GAS7: variants seen among roughly 807,000 people sequenced by gnomAD.
The protein encoded by GAS7 is growth arrest specific 7, also known as growth arrest-specific protein 7.
A neutral mutation model predicts 71.1 loss-of-function variants in GAS7; 28 were observed. The observed-to-expected ratio is 0.39, with a 90% CI of 0.29 to 0.54. The LOEUF (loss-of-function observed/expected upper bound fraction) is 0.54, where lower values mean the gene tolerates loss of function less well. Among genes scored for constraint, GAS7 ranks in the 20% least tolerant of loss-of-function variants. The pLI is 0.62. For synonymous variants in GAS7, 258 were observed against 245.8 expected (o/e 1.05, Z -0.46); for missense variants, 436 against 627.8 (o/e 0.69, Z 3.27).
chr17:10,180,157 G>A (rs1466175490), intron 1 of GAS7, among the ~76,000 whole-genome samples: 1 of 151,920 alleles, frequency 6.6e-6, no homozygotes, highest in Non-Finnish European at 1.5e-5. Context: ...ACTGGCCAAC[G>A]TGAGGAAACC....
At chr17:10,068,690 GGAGTTT>G (rs1411869328) in intron 1 of GAS7, among the ~76,000 whole-genome samples, 2 of 152,110 alleles carry the variant, frequency 1.3e-5, no homozygotes, top group African/African-American at 2.4e-5. Flanking sequence ...CTTGAGCCCA[GGAGTTT>G]GAGGCTGCAG....
At position 10,193,925 on chromosome 17, in the gene GAS7, C is replaced by T. The variant is rs143672381; in HGVS notation, c.183+4283G>A. On this transcript the variant is annotated intron_variant, in intron 1 of 13. Transcript: ENST00000432992. ...TTTGAAACACTAAATCTTGGAGTGG[C>T]TTGTTACATGGCAATAGATAAAACA... Among the ~76,000 whole-genome samples the T allele has an allele frequency of 7.7e-3, 1,173 of 152,268 alleles. 18 individuals are homozygous for T. Among genetic ancestry groups the T allele is most frequent in the African/African-American group, 0.027 (1,121 of 41,566 alleles).
chr17:10,148,631 G>A (rs1435559902), intron 1 of GAS7, among the ~76,000 whole-genome samples: 2 of 146,052 alleles, frequency 1.4e-5, no homozygotes, highest in Non-Finnish European at 3.0e-5. Flanking sequence ...AAAAAAAAAG[G>A]CCAGGCGCGG....
intron 5 of GAS7, among the ~76,000 whole-genome samples, chr17:9,947,556 C>T (rs1406230698): frequency 6.6e-6 from 1 of 152,100 alleles, no homozygotes; most frequent in Non-Finnish European, 1.5e-5. Flanking sequence ...ACCAGCCTGA[C>T]CAACAGGGAG....
In GAS7 at chr17:9,957,705, A is replaced by G. The variant is rs984624141; in HGVS notation, c.525+1497T>C. Reference sequence around the variant, plus strand: ...GGGACTGTACCCTCTGGAACTCTGCACCTGAGCCTGCCCACACCCCCTACC... The same window carrying G: ...GGGACTGTACCCTCTGGAACTCTGCGCCTGAGCCTGCCCACACCCCCTACC... On this transcript the variant is annotated intron_variant, in intron 5 of 13. Coordinates refer to ENST00000432992, the MANE Select transcript of GAS7 (RefSeq NM_201433.2). Among the ~76,000 whole-genome samples, 4 of 151,228 alleles carry G rather than the reference A, an allele frequency of 2.6e-5. No individual in the cohort carries two copies. In the East Asian group the frequency reaches 7.8e-4, roughly 30 times the overall value.
intron 1 of GAS7, among the ~76,000 whole-genome samples, chr17:10,134,075 G>A (rs2074019677): frequency 6.6e-6 from 1 of 151,816 alleles, no homozygotes; most frequent in South Asian, 2.1e-4. Flanking sequence ...CTATCGCCCA[G>A]GCTGGAGTCC....
At chr17:10,061,984 A>C (rs2073225121) in intron 1 of GAS7, among the ~76,000 whole-genome samples, 2 of 152,174 alleles carry the variant, frequency 1.3e-5, no homozygotes, top group Non-Finnish European at 2.9e-5. Context: ...ACCGCCGCCC[A>C]CAACAAAACA....
intron 1 of GAS7, among the ~76,000 whole-genome samples, chr17:10,107,340 G>C (rs2073766313): frequency 1.5e-5 from 2 of 129,924 alleles, no homozygotes; most frequent in Non-Finnish European, 3.3e-5. Context: ...AGAGGCCAAA[G>C]ACGAGACACA....
intron 1 of GAS7, among the ~76,000 whole-genome samples, chr17:10,115,855 T>C (rs1448813165): frequency 2.0e-5 from 3 of 152,092 alleles, no homozygotes; most frequent in Non-Finnish European, 4.4e-5. Context: ...GGCAAATTCT[T>C]AGTACCTTCT....
chr17:10,066,804 CA>C (rs2073286036), intron 1 of GAS7, among the ~76,000 whole-genome samples: 1 of 152,034 alleles, frequency 6.6e-6, no homozygotes, highest in African/African-American at 2.4e-5. Context: ...ATTTTGGAGT[CA>C]GGGGGAGCAT....
chr17:9,945,637 A>G (rs1229848340), intron 6 of GAS7, among the ~76,000 whole-genome samples: 2 of 151,712 alleles, frequency 1.3e-5, no homozygotes, highest in Admixed American at 1.3e-4. Context: ...GAAAGAGAAA[A>G]GCACTTTTAT....
chr17:10,033,515 A>C lies in GAS7; in HGVS notation c.184-13618T>G, dbSNP rs191925547. ...ATTTAAGTTCAGAAGCAAGGGAGGG[A>C]GTCCAAAGTTGCTAGCTGGATCAGT... On this transcript the variant is annotated intron_variant, in intron 1 of 13. Coordinates refer to ENST00000432992, the MANE Select transcript of GAS7 (RefSeq NM_201433.2). Among the ~76,000 whole-genome samples the C allele has an allele frequency of 9.2e-5, 14 of 152,300 alleles. No individual in the cohort carries two copies. The East Asian group carries it at 2.7e-3, about 29-fold the overall frequency.
chr17:10,080,607 G>T (rs2073447984), intron 1 of GAS7, among the ~76,000 whole-genome samples: 1 of 152,140 alleles, frequency 6.6e-6, no homozygotes, highest in Non-Finnish European at 1.5e-5. Flanking sequence ...ATACAATAAA[G>T]AAGATCTAGA....
chr17:10,112,038 G>T (rs927049310), intron 1 of GAS7, among the ~76,000 whole-genome samples: 5 of 152,206 alleles, frequency 3.3e-5, no homozygotes, highest in Admixed American at 6.5e-5. Flanking sequence ...ACATGTTAGT[G>T]GCTACCGTAC....
At chr17:10,019,994 C>A (rs953819203) in intron 1 of GAS7, 97 bp from the exon 2 acceptor site, 12 of 1,194,080 alleles carry the variant, frequency 1.0e-5, no homozygotes, top group Non-Finnish European at 1.4e-5. Context: ...CCTACAGTAG[C>A]GTGACATTGG....
At chr17:9,917,471 G>T (rs1163630005) in intron 13 of GAS7, 130 bp from the exon 14 acceptor site, 2 of 662,318 alleles carry the variant, frequency 3.0e-6, no homozygotes. Flanking sequence ...GGGGCCCCAG[G>T]GGGAGGCCCA....
chr17:10,194,220 C>T (rs927902388), intron 1 of GAS7, among the ~76,000 whole-genome samples: 6 of 152,228 alleles, frequency 3.9e-5, no homozygotes, highest in African/African-American at 1.4e-4. Context: ...AAGAATACCA[C>T]CTAGTTCAAA....
At chr17:10,071,674 C>CA (rs1393700307) in intron 1 of GAS7, among the ~76,000 whole-genome samples, 1 of 152,142 alleles carries the variant, frequency 6.6e-6, no homozygotes, top group Non-Finnish European at 1.5e-5. Context: ...CCTGTAATCC[C>CA]AGCACTTTGG....
intron 1 of GAS7, among the ~76,000 whole-genome samples, chr17:10,166,519 G>T (rs1203625015): frequency 2.0e-5 from 3 of 152,158 alleles, no homozygotes; most frequent in Non-Finnish European, 4.4e-5. Context: ...CTTTTATAAT[G>T]TATTACATTC....
Sources: gnomAD v4.1 joint callset for allele counts (sites outside exome capture counted in the v4.1 genomes callset) on GRCh38, gnomAD v4.1.1 for gene constraint, MANE v1.5 for transcripts, NCBI Gene and HGNC (gene_info 2026-07-23, HGNC 2026-07-21) for gene names.